Variants in TRIM8 observed in about 807,000 individuals in gnomAD.
TRIM8 encodes tripartite motif containing 8.
Under a neutral mutation model 55.7 loss-of-function variants are expected in TRIM8, and 9 were observed. The ratio of observed to expected loss-of-function variants is 0.16; its 90% CI spans 0.10 to 0.28. The LOEUF (loss-of-function observed/expected upper bound fraction) is 0.28. Among genes scored for constraint, TRIM8 ranks in the 10% least tolerant of loss-of-function variants. TRIM8 has a pLI of 1.00. For synonymous variants in TRIM8, 335 were observed against 333.3 expected (o/e 1.01, Z -0.06); for missense variants, 556 against 736.4 (o/e 0.76, Z 2.83).
At chr10:102,655,771 C>G (rs753116790) in intron 3 of TRIM8, among the ~76,000 whole-genome samples, 4 of 152,162 alleles carry the variant, frequency 2.6e-5, no homozygotes, top group Admixed American at 6.5e-5. Flanking sequence ...TATTCTCCGT[C>G]TAAAATCCAA....
intron 3 of TRIM8, among the ~76,000 whole-genome samples, chr10:102,655,593 T>C (rs749946772): frequency 2.0e-5 from 3 of 152,304 alleles, no homozygotes; most frequent in Admixed American, 6.5e-5. Flanking sequence ...ACTAAACAAA[T>C]TTTGGCATCT....
chr10:102,655,210 C>G lies in TRIM8; in HGVS notation c.797C>G (p.Ala266Gly). 1 of 1,607,860 alleles carries G rather than the reference C, an allele frequency of 6.2e-7. No homozygotes were observed. The highest frequency in any genetic ancestry group is 8.5e-7 in the Non-Finnish European group (1 of 1,178,288). ...CAGGCCAAGTTCTGCAGCGAGAACG[C>G]AGCGCAGGCGCTGCACCTCGGGGAG... ...KAQAKFCSEN[A>G]AQALHLGERM... is the part of the protein sequence containing the mutation. The change falls in exon 3 of 6, where the codon GCA becomes GGA. Residue 266 changes from alanine (A) to glycine (G), a missense_variant. Ala to Gly is a moderately conservative substitution (Grantham distance 60). This residue lies in a region of TRIM8 where 391 missense variants were observed against 441.0 expected (regional missense o/e 0.89). Transcript: ENST00000643721.
chr10:102,656,006 C>A lies in TRIM8; in HGVS notation c.901-100C>A. On this transcript the variant is annotated intron_variant, in intron 3 of 5. Transcript: ENST00000643721. This position sits in a 1 kb window ranked among gnomAD's most constrained non-coding sequence, Gnocchi z 4.6. ...TCCAGAATGAGAGGATCCACCCAGCCTGGGGGAGGCTCAGGGGGGGCAGCT... is the reference window on the plus strand; with the variant it reads ...TCCAGAATGAGAGGATCCACCCAGCATGGGGGAGGCTCAGGGGGGGCAGCT... The A allele has an allele frequency of 6.4e-7, 1 of 1,572,390 alleles. No individual in the cohort carries two copies. The highest frequency in any genetic ancestry group is 8.7e-7 in the Non-Finnish European group (1 of 1,142,916).
chr10:102,654,776 G>A, intron 2 of TRIM8, 28 bp downstream of exon 2: 2 of 1,569,780 alleles, frequency 1.3e-6, no homozygotes, highest in Non-Finnish European at 1.8e-6. Context: ...CATGCTGCGG[G>A]GTGGGGGTGG....
chr10:102,645,214 C>A (rs1195810987), intron 1 of TRIM8, 27 bp downstream of exon 1: 1 of 1,497,600 alleles, frequency 6.7e-7, no homozygotes, highest in South Asian at 1.3e-5. Flanking sequence ...CGCGCGCGCA[C>A]ACACACACAC....
intron 1 of TRIM8, among the ~76,000 whole-genome samples, chr10:102,647,846 C>T (rs1197371611): frequency 6.6e-6 from 1 of 152,164 alleles, no homozygotes; most frequent in African/African-American, 2.4e-5. Flanking sequence ...TCTGATTAAC[C>T]CCTCCCTGGT....
chr10:102,647,430 C>A (rs148976451), intron 1 of TRIM8, among the ~76,000 whole-genome samples: 244 of 152,340 alleles, frequency 1.6e-3, no homozygotes, highest in Non-Finnish European at 2.9e-3. Flanking sequence ...TCTGGTGCCC[C>A]AGGCCACTGG....
Position 102,656,844 on chromosome 10 carries a change from C to A in TRIM8, c.1146C>A (p.Ala382=). ...CGGAAAAGCGCAAGCACTCAACGGC[C>A]TTCCCAGAGGCCAGTTTCCTAGAGA... ...SGAEKRKHST[A]FPEASFLETS... is the part of the protein sequence containing the mutation. The change falls in exon 6 of 6, where the codon GCC becomes GCA. Residue 382 remains alanine, a synonymous_variant. Coordinates refer to ENST00000643721, the MANE Select transcript of TRIM8 (RefSeq NM_030912.3). This position sits in a 1 kb window ranked among gnomAD's most constrained non-coding sequence, Gnocchi z 4.6. 1.3e-6 allele frequency: 2 copies of A among 1,549,930 alleles called. No homozygotes were observed. The highest frequency in any genetic ancestry group is 1.7e-6 in the Non-Finnish European group (2 of 1,149,762).
chr10:102,649,648 C>G (rs547657505), intron 1 of TRIM8, among the ~76,000 whole-genome samples: 7 of 152,170 alleles, frequency 4.6e-5, no homozygotes, highest in Non-Finnish European at 7.4e-5. Flanking sequence ...GCTAATTCCA[C>G]TCTGCAGCTG....
chr10:102,647,481 A>G (rs2063946053), intron 1 of TRIM8, among the ~76,000 whole-genome samples: 1 of 152,094 alleles, frequency 6.6e-6, no homozygotes, highest in African/African-American at 2.4e-5. Flanking sequence ...CTCAAGTATG[A>G]GTTTGACTTA....
chr10:102,646,835 G>A (rs941146337), intron 1 of TRIM8, among the ~76,000 whole-genome samples: 8 of 152,200 alleles, frequency 5.3e-5, no homozygotes, highest in African/African-American at 1.7e-4. Context: ...AAAATGAGAG[G>A]AGGGGAAAGG....
Position 102,657,363 on chromosome 10 carries a change from AGGCGGCGG to A in TRIM8, c.*14_*21del. On this transcript the variant is annotated 3_prime_UTR_variant, in exon 6 of 6. Transcript: ENST00000643721. ...ACTACGTGACGAGCTAACGCCACGC[AGGCGGCGG>A]GGCGCTGGGGAATCTTCCTCCCCAG... 1 of 1,547,174 alleles carries A rather than the reference AGGCGGCGG, an allele frequency of 6.5e-7. No homozygotes were observed. Among genetic ancestry groups the A allele is most frequent in the South Asian group, 1.2e-5 (1 of 81,696 alleles).
chr10:102,646,490 T>C (rs1272908969), intron 1 of TRIM8, among the ~76,000 whole-genome samples: 1 of 152,106 alleles, frequency 6.6e-6, no homozygotes, highest in East Asian at 1.9e-4. Context: ...TGTTTAGCAA[T>C]TAAAAAACAT....
chr10:102,649,455 C>T (rs773823224), intron 1 of TRIM8, among the ~76,000 whole-genome samples: 5 of 152,210 alleles, frequency 3.3e-5, no homozygotes, highest in East Asian at 1.9e-4. Flanking sequence ...TCTGGCGAGG[C>T]GGAGCAAGCC....
intron 1 of TRIM8, among the ~76,000 whole-genome samples, chr10:102,652,838 T>C (rs1361584500): frequency 6.6e-6 from 1 of 151,738 alleles, no homozygotes; most frequent in Non-Finnish European, 1.5e-5. Flanking sequence ...ACTTTCGCTC[T>C]TGTTGCCCAG....
chr10:102,644,868 A>G lies in TRIM8; in HGVS notation c.251A>G (p.Glu84Gly), dbSNP rs925043616. The change falls in exon 1 of 6, where the codon GAG becomes GGG. Residue 84 changes from glutamate to glycine, a missense_variant. By Grantham distance (98) the Glu-to-Gly change is moderately conservative (BLOSUM62 -2). Coordinates refer to ENST00000643721, the MANE Select transcript of TRIM8 (RefSeq NM_030912.3). ...IVEKFNALHV[E>G]KPPAALHCVF... ...GAGAAGTTCAATGCCCTGCACGTGG[A>G]GAAGCCGCCGGCGGCGCTGCACTGC... 1 of 1,611,930 alleles carries G rather than the reference A, an allele frequency of 6.2e-7. No individual in the cohort carries two copies.
In TRIM8 at chr10:102,658,087, G is replaced by T. The variant is rs536900556; in HGVS notation, c.*733G>T. 8 of 152,072 alleles carry T rather than the reference G, an allele frequency of 5.3e-5. No individual in the cohort carries two copies. The highest frequency in any genetic ancestry group is 4.8e-5 in the African/African-American group (2 of 41,460). The allele number at this position is 152,072 out of a possible 1,614,324, so 9.4% of individuals were successfully genotyped here. Reference sequence around the variant, plus strand: ...ATAATAATATTAATAATAATAAAGAGAAATAAAATAATAAAATAAAAAACA... The same window carrying T: ...ATAATAATATTAATAATAATAAAGATAAATAAAATAATAAAATAAAAAACA... On this transcript the variant is annotated 3_prime_UTR_variant, in exon 6 of 6. Coordinates refer to ENST00000643721, the MANE Select transcript of TRIM8 (RefSeq NM_030912.3).
Position 102,644,882 on chromosome 10 carries a change from G to A in TRIM8, c.265G>A (p.Ala89Thr). Residue 89 changes from alanine to threonine, a missense_variant, in exon 1 of 6, where the codon GCG becomes ACG. By Grantham distance (58) the Ala-to-Thr change is moderately conservative. Transcript: ENST00000643721. Reference protein sequence around the residue: ...NALHVEKPPAALHCVFCRRGP... With the variant: ...NALHVEKPPATLHCVFCRRGP... ...CCTGCACGTGGAGAAGCCGCCGGCG[G>A]CGCTGCACTGCGTGTTCTGCCGCCG... 6.2e-7 allele frequency: 1 copy of A among 1,611,244 alleles called. No individual in the cohort carries two copies. Among genetic ancestry groups the A allele is most frequent in the Non-Finnish European group, 8.5e-7 (1 of 1,179,208 alleles).
chr10:102,656,168 C>A lies in TRIM8; in HGVS notation c.932+31C>A. ...CTGAGGGCCCTAGCCCTCCCGGGGG[C>A]ACATCCTGGGGAGGGCAGGGGGGCC... On this transcript the variant is annotated intron_variant, in intron 4 of 5. Transcript: ENST00000643721. This position sits in a 1 kb window ranked among gnomAD's most constrained non-coding sequence, Gnocchi z 4.6. 1 of 1,614,164 alleles carries A rather than the reference C, an allele frequency of 6.2e-7. No homozygotes were observed. Among genetic ancestry groups the A allele is most frequent in the South Asian group, 1.1e-5 (1 of 91,084 alleles).
Sources: allele counts gnomAD v4.1 joint callset (sites outside exome capture counted in the v4.1 genomes callset), GRCh38; gene constraint gnomAD v4.1.1; regional missense constraint gnomAD v4.1.1; non-coding constraint Gnocchi (gnomAD v3.1); transcripts MANE v1.5; gene names NCBI Gene and HGNC (gene_info 2026-07-23, HGNC 2026-07-21).